MAML3: variants seen among roughly 807,000 people sequenced by gnomAD.
The protein encoded by MAML3 is mastermind-like protein 3.
MAML3 carries 27 observed loss-of-function variants against 101.9 expected under a neutral mutation model. The observed-to-expected ratio is 0.27, with a 90% CI of 0.20 to 0.37. The LOEUF is 0.37. Ranked by LOEUF, MAML3 falls within the 10% of genes least tolerant of loss-of-function variation. The pLI is 1.00. For synonymous variants in MAML3, 501 were observed against 555.9 expected (o/e 0.90, Z 1.39); for missense variants, 1,316 against 1,444.9 (o/e 0.91, Z 1.45).
chr4:139,848,842 A>G (rs568480851), intron 2 of MAML3, among the ~76,000 whole-genome samples: 10 of 152,372 alleles, frequency 6.6e-5, no homozygotes, highest in African/African-American at 2.4e-4. Context: ...TATAGTGATC[A>G]GAAAAGGGAC....
chr4:139,754,435 A>C (rs763786712), intron 2 of MAML3, among the ~76,000 whole-genome samples: 101 of 152,248 alleles, frequency 6.6e-4, no homozygotes, highest in Non-Finnish European at 5.1e-4. Flanking sequence ...AAACAAGACA[A>C]GGATCATAGC....
At chr4:139,766,956 G>A (rs917020227) in intron 2 of MAML3, among the ~76,000 whole-genome samples, 1 of 152,060 alleles carries the variant, frequency 6.6e-6, no homozygotes, top group Non-Finnish European at 1.5e-5. Flanking sequence ...AAAAACTGGG[G>A]GTAACAGTAT....
At chr4:140,056,990 C>A (rs567643365) in intron 1 of MAML3, among the ~76,000 whole-genome samples, 7 of 152,184 alleles carry the variant, frequency 4.6e-5, no homozygotes, top group African/African-American at 1.4e-4. Context: ...ACAACAACAA[C>A]AAAAAATGCA....
At chr4:139,935,161 G>A (rs1733480427) in intron 1 of MAML3, among the ~76,000 whole-genome samples, 1 of 149,924 alleles carries the variant, frequency 6.7e-6, no homozygotes, top group Non-Finnish European at 1.5e-5. Context: ...GACTTCTCAT[G>A]TAATTCAGCC....
rs766252588 is a variant in MAML3 at position 139,719,177 on chromosome 4, C to T, written c.*146G>A. 9.1e-5 allele frequency: 83 copies of T among 909,452 alleles called. No individual in the cohort carries two copies. The highest frequency in any genetic ancestry group is 1.3e-4 in the Admixed American group (4 of 31,630). The allele number at this position is 909,452 out of a possible 1,614,324, so 56.3% of individuals were successfully genotyped here. A position where few individuals can be genotyped will look rare whatever the true frequency, so the allele number is the denominator to read the frequency against. ...GCCTGGTGGGGCTGTGGATTGGCAC[C>T]TGGATCTTCCATTGTCAGCCAGCTG... is the stretch of plus-strand genomic sequence containing the variant. On this transcript the variant is annotated 3_prime_UTR_variant, in exon 5 of 5. Coordinates refer to ENST00000509479, the MANE Select transcript of MAML3 (RefSeq NM_018717.5).
At chr4:140,057,130 G>T (rs932059820) in intron 1 of MAML3, among the ~76,000 whole-genome samples, 1 of 152,192 alleles carries the variant, frequency 6.6e-6, no homozygotes, top group Non-Finnish European at 1.5e-5. Flanking sequence ...TTAAAAATTA[G>T]CCAGGTGGGA....
At chr4:139,811,673 G>A (rs886982174) in intron 2 of MAML3, among the ~76,000 whole-genome samples, 4 of 152,152 alleles carry the variant, frequency 2.6e-5, no homozygotes, top group African/African-American at 9.7e-5. Context: ...GACATAAAGG[G>A]TCAGATCATA....
At chr4:140,010,584 G>A (rs192586718) in intron 1 of MAML3, among the ~76,000 whole-genome samples, 1 of 152,148 alleles carries the variant, frequency 6.6e-6, no homozygotes, top group East Asian at 1.9e-4. Context: ...AATAAGTGTT[G>A]CCCAGTAATA....
At chr4:139,982,013 C>T (rs1012870815) in intron 1 of MAML3, among the ~76,000 whole-genome samples, 8 of 152,130 alleles carry the variant, frequency 5.3e-5, no homozygotes, top group Admixed American at 2.6e-4. Flanking sequence ...CCTCCTTTTT[C>T]GACTGTACTT....
intron 1 of MAML3, among the ~76,000 whole-genome samples, chr4:140,043,739 C>G (rs1157763800): frequency 6.6e-6 from 1 of 152,118 alleles, no homozygotes; most frequent in Non-Finnish European, 1.5e-5. Flanking sequence ...ACTATTCTAA[C>G]TAAGACAACA....
At chr4:139,864,674 CAAAAAAAAAAA>C (rs70943450) in intron 2 of MAML3, among the ~76,000 whole-genome samples, 1 of 69,502 alleles carries the variant, frequency 1.4e-5, no homozygotes, top group Non-Finnish European at 2.4e-5. Flanking sequence ...GGCTCCGTCT[CAAAAAAAAAAA>C]AAAAAAAAAA....
At chr4:140,134,358 C>A (rs1350250139) in intron 1 of MAML3, 3 of 456,722 alleles carry the variant, frequency 6.6e-6, no homozygotes, top group Non-Finnish European at 8.8e-6. Context: ...GAAAACAGAA[C>A]CCCAATCATT....
At chr4:139,760,154 T>G (rs1417057105) in intron 2 of MAML3, among the ~76,000 whole-genome samples, 1 of 152,188 alleles carries the variant, frequency 6.6e-6, no homozygotes, top group African/African-American at 2.4e-5. Context: ...TAGAAAGAGT[T>G]CTCTAACGGG....
intron 2 of MAML3, among the ~76,000 whole-genome samples, chr4:139,837,900 A>G (rs180903642): frequency 1.1e-3 from 163 of 152,314 alleles, no homozygotes; most frequent in African/African-American, 3.4e-3. Context: ...AGCCTGTGCT[A>G]CAGAGTGAGA....
intron 1 of MAML3, among the ~76,000 whole-genome samples, chr4:139,931,758 C>G (rs529618702): frequency 1.3e-5 from 2 of 151,990 alleles, no homozygotes; most frequent in African/African-American, 4.8e-5. Flanking sequence ...GCCTGTAATC[C>G]CACCACTTTG....
chr4:139,821,326 C>T (rs1730968274), intron 2 of MAML3, among the ~76,000 whole-genome samples: 1 of 152,142 alleles, frequency 6.6e-6, no homozygotes, highest in South Asian at 2.1e-4. Flanking sequence ...CCCCTAAGCT[C>T]CGCCTCCTGT....
At chr4:139,918,785 C>T (rs1261443423) in intron 1 of MAML3, among the ~76,000 whole-genome samples, 1 of 152,000 alleles carries the variant, frequency 6.6e-6, no homozygotes, top group Non-Finnish European at 1.5e-5. Context: ...CATTTCTGTC[C>T]GGCATAGTAG....
At chr4:139,860,568 A>T (rs980347146) in intron 2 of MAML3, among the ~76,000 whole-genome samples, 1 of 152,194 alleles carries the variant, frequency 6.6e-6, no homozygotes, top group African/African-American at 2.4e-5. Flanking sequence ...AAACCTCAGG[A>T]AAGGCGGGCT....
intron 1 of MAML3, among the ~76,000 whole-genome samples, chr4:139,997,963 T>G (rs934450517): frequency 1.3e-5 from 2 of 152,190 alleles, no homozygotes; most frequent in Non-Finnish European, 2.9e-5. Context: ...GTCAATGTCT[T>G]CTCTTTGAAC....
Sources: gnomAD v4.1 joint callset for allele counts (sites outside exome capture counted in the v4.1 genomes callset) on GRCh38, gnomAD v4.1.1 for gene constraint, MANE v1.5 for transcripts, NCBI Gene and HGNC (gene_info 2026-07-23, HGNC 2026-07-21) for gene names.